FBRSL1: variants seen among roughly 807,000 people sequenced by gnomAD.
The protein encoded by FBRSL1 is fibrosin-1-like protein.
FBRSL1 carries 51 observed loss-of-function variants against 89.6 expected under a neutral mutation model. The ratio of observed to expected loss-of-function variants is 0.57; its 90% CI spans 0.45 to 0.72. FBRSL1 has a LOEUF of 0.72. Ranked by LOEUF, FBRSL1 falls within the 30% of genes least tolerant of loss-of-function variation. The pLI is 0.00. For missense variants in FBRSL1, 1,618 were observed against 1,451.8 expected, an observed-to-expected ratio of 1.11 and a Z score of -1.86; for synonymous variants, 779 against 681.1, an observed-to-expected ratio of 1.14 and a Z score of -2.24.
intron 1 of FBRSL1, among the ~76,000 whole-genome samples, chr12:132,500,344 C>T (rs1304082282): frequency 6.6e-6 from 1 of 152,174 alleles, no homozygotes; most frequent in African/African-American, 2.4e-5. Flanking sequence ...AGGAACCTGA[C>T]GCACAGAGCC....
chr12:132,528,104 T>G, intron 4 of FBRSL1, 116 bp downstream of exon 4: 1 of 913,724 alleles, frequency 1.1e-6, no homozygotes, highest in African/African-American at 1.6e-5. Context: ...GTGCCCGCTT[T>G]CCCTCTGGAG....
chr12:132,512,298 GA>G (rs2034434514), intron 2 of FBRSL1, among the ~76,000 whole-genome samples: 1 of 152,256 alleles, frequency 6.6e-6, no homozygotes, highest in Non-Finnish European at 1.5e-5. Context: ...GTTCAGCTCA[GA>G]GTCCTCTGCA....
chr12:132,558,717 G>T (rs2137570969), intron 5 of FBRSL1, among the ~76,000 whole-genome samples: 1 of 152,260 alleles, frequency 6.6e-6, no homozygotes, highest in East Asian at 1.9e-4. Context: ...TCGAACCCGT[G>T]TGGGAGCTGC....
intron 4 of FBRSL1, among the ~76,000 whole-genome samples, chr12:132,532,877 C>T (rs1287957162): frequency 2.6e-5 from 4 of 152,150 alleles, no homozygotes; most frequent in Non-Finnish European, 5.9e-5. Context: ...AGCAGAGACC[C>T]AGCCAGGTGG....
intron 1 of FBRSL1, among the ~76,000 whole-genome samples, chr12:132,496,514 C>G (rs1424471696): frequency 5.9e-5 from 9 of 152,214 alleles, no homozygotes; most frequent in Non-Finnish European, 1.0e-4. Context: ...CACCTGACAT[C>G]TCTACCTGGG....
intron 5 of FBRSL1, among the ~76,000 whole-genome samples, chr12:132,555,480 C>A (rs562742683): frequency 2.8e-5 from 4 of 144,524 alleles, no homozygotes; most frequent in Non-Finnish European, 3.1e-5. Context: ...CGGTAGCCGC[C>A]CCACCCGAGC....
In FBRSL1 at chr12:132,582,904, T is replaced by A. The variant is rs574118788; in HGVS notation, c.2202-67T>A. On this transcript the variant is annotated intron_variant, in intron 18 of 18. Coordinates refer to ENST00000680143, the MANE Select transcript of FBRSL1 (RefSeq NM_001367871.1). ...GAGGCCCCGACAAGCAACGGGAACA[T>A]CCCGGGGCTGCGCCGCGCGGCAGGA... is the stretch of plus-strand genomic sequence containing the variant. The A allele has an allele frequency of 5.1e-5, 64 of 1,266,498 alleles. No homozygotes were observed. In the African/African-American group the frequency reaches 9.7e-4, roughly 19 times the overall value. 78.5% of individuals were successfully genotyped at this position (1,266,498 alleles called of 1,614,324 possible).
rs538855387 is a variant in FBRSL1, at chr12:132,559,509, A to AGC, written c.646-7971_646-7970dup. Among the ~76,000 whole-genome samples, 14 of 151,972 alleles carry AGC rather than the reference A, an allele frequency of 9.2e-5. No individual in the cohort carries two copies. In the East Asian group the frequency reaches 2.5e-3, roughly 27 times the overall value. ...CGGGCTCAGTTGATCCTCCCACCTC[A>AGC]GCCTCCCCAGTAGCTGGGGCCACAG... On this transcript the variant is annotated intron_variant, in intron 5 of 18. Coordinates refer to ENST00000680143, the MANE Select transcript of FBRSL1 (RefSeq NM_001367871.1).
At chr12:132,547,106 A>G (rs922279120) in intron 4 of FBRSL1, among the ~76,000 whole-genome samples, 4 of 152,198 alleles carry the variant, frequency 2.6e-5, no homozygotes, top group Non-Finnish European at 5.9e-5. Context: ...TTCGGGGGAC[A>G]TTGCAGTCAG....
intron 2 of FBRSL1, among the ~76,000 whole-genome samples, chr12:132,520,946 A>G (rs1041736990): frequency 6.6e-6 from 1 of 152,118 alleles, no homozygotes; most frequent in Non-Finnish European, 1.5e-5. Flanking sequence ...GCTGGTAGGG[A>G]CTGTGGGAGG....
At position 132,583,498 on chromosome 12, in the gene FBRSL1, T is replaced by G. The variant is rs1298283869; in HGVS notation, c.2729T>G (p.Leu910Arg). 1 of 1,043,828 alleles carries G rather than the reference T, an allele frequency of 9.6e-7. No individual in the cohort carries two copies. Among genetic ancestry groups the G allele is most frequent in the Non-Finnish European group, 1.2e-6 (1 of 867,566 alleles). The allele number at this position is 1,043,828 out of a possible 1,614,324, so 64.7% of individuals were successfully genotyped here. Residue 910 changes from leucine to arginine, a missense_variant, in exon 19 of 19, where the codon CTG (leucine) becomes CGG (arginine). By Grantham distance (102) the Leu-to-Arg change is moderately radical. Coordinates refer to ENST00000680143, the MANE Select transcript of FBRSL1 (RefSeq NM_001367871.1). ...CTGGAGCGCGCGCGGGCCCCGCACC[T>G]GCCGCCCGCCGCCCCCGCCTTGGAC... is the stretch of plus-strand genomic sequence containing the variant. ...GELERARAPH[L>R]PPAAPALDGA...
At chr12:132,541,435 C>G (rs1311189891) in intron 4 of FBRSL1, among the ~76,000 whole-genome samples, 1 of 152,080 alleles carries the variant, frequency 6.6e-6, no homozygotes, top group Non-Finnish European at 1.5e-5. Context: ...GGTCATGCAC[C>G]CCCCCACCCC....
In FBRSL1 at chr12:132,583,692, C is replaced by T; in HGVS notation, c.2923C>T (p.Arg975Trp). Reference protein sequence around the residue: ...PPTPPGPPRSRTTPLGGLGPG... With the variant: ...PPTPPGPPRSWTTPLGGLGPG... ...CACGCCCCCCGGGCCGCCGCGGAGC[C>T]GGACTACTCCGCTGGGGGGCCTCGG... The change falls in exon 19 of 19, where the codon CGG becomes TGG. Residue 975 changes from arginine (R) to tryptophan (W), a missense_variant. By Grantham distance (101) the Arg-to-Trp change is moderately radical. Coordinates refer to ENST00000680143, the MANE Select transcript of FBRSL1 (RefSeq NM_001367871.1). The T allele has an allele frequency of 3.4e-6, 4 of 1,174,558 alleles. No individual in the cohort carries two copies. Among genetic ancestry groups the T allele is most frequent in the Non-Finnish European group, 4.2e-6 (4 of 951,202 alleles). The allele number at this position is 1,174,558 out of a possible 1,614,324, so 72.8% of individuals were successfully genotyped here.
chr12:132,582,295 A>G, intron 18 of FBRSL1, 29 bp downstream of exon 18: 1 of 1,529,084 alleles, frequency 6.5e-7, no homozygotes, highest in South Asian at 1.2e-5. Flanking sequence ...CCGTATCCCC[A>G]CCACACACCC....
chr12:132,496,642 C>G (rs564474196), intron 1 of FBRSL1, among the ~76,000 whole-genome samples: 25 of 152,348 alleles, frequency 1.6e-4, no homozygotes, highest in African/African-American at 5.5e-4. Flanking sequence ...TGCGGCTGCG[C>G]TGGATTTGTG....
chr12:132,508,879 A>G (rs2034003019), intron 2 of FBRSL1, among the ~76,000 whole-genome samples: 1 of 152,184 alleles, frequency 6.6e-6, no homozygotes, highest in African/African-American at 2.4e-5. Context: ...TGCCCTGCCC[A>G]GGGGCCTCCT....
intron 3 of FBRSL1, among the ~76,000 whole-genome samples, chr12:132,527,364 G>A (rs1273218781): frequency 6.6e-6 from 1 of 152,216 alleles, no homozygotes; most frequent in Non-Finnish European, 1.5e-5. Context: ...GGGCGTCCCT[G>A]TGGGAGCCTC....
chr12:132,574,409 CGGG>C (rs1212022094), intron 13 of FBRSL1, 61 bp downstream of exon 13: 2 of 1,548,452 alleles, frequency 1.3e-6, no homozygotes, highest in East Asian at 4.9e-5. Context: ...GGGGCGGCCT[CGGG>C]GGGCCCGTGA....
At chr12:132,547,338 C>CTTA (rs2037778220) in intron 4 of FBRSL1, among the ~76,000 whole-genome samples, 4 of 151,864 alleles carry the variant, frequency 2.6e-5, no homozygotes, top group East Asian at 1.9e-4. Context: ...TAGGGCTCTG[C>CTTA]CTACTGAAAA....
Sources: gnomAD v4.1 joint callset for allele counts (sites outside exome capture counted in the v4.1 genomes callset) on GRCh38, gnomAD v4.1.1 for gene constraint, MANE v1.5 for transcripts, NCBI Gene and HGNC (gene_info 2026-07-23, HGNC 2026-07-21) for gene names.